Variants in ZNF407 observed in about 807,000 individuals in gnomAD.
ZNF407 encodes the protein zinc finger protein 407.
Under a neutral mutation model 131.2 loss-of-function variants are expected in ZNF407, and 17 were observed. The ratio of observed to expected loss-of-function variants is 0.13; its 90% CI spans 0.09 to 0.19. The LOEUF (loss-of-function observed/expected upper bound fraction) is 0.19, where lower values mean the gene tolerates loss of function less well. ZNF407 is among the 10% of genes least tolerant of loss of function. ZNF407 has a pLI of 1.00. For missense variants in ZNF407, 2,681 were observed against 2,830.6 expected (o/e 0.95, Z 1.20); for synonymous variants, 1,156 against 1,062.0 (o/e 1.09, Z -1.72).
rs539353368 is a variant in ZNF407 at position 74,978,479 on chromosome 18, A to C, written c.5428+57787A>C. Among the ~76,000 whole-genome samples, 6 of 152,228 alleles carry C rather than the reference A, an allele frequency of 3.9e-5. No homozygotes were observed. The East Asian group carries it at 9.7e-4, about 25-fold the overall frequency. On this transcript the variant is annotated intron_variant, in intron 8 of 8. Transcript: ENST00000299687. ...CAAGCATTCATTAAGAGGTGATGGA[A>C]ATAAAAAATGGTGTTGATTGTGAAC...
chr18:74,633,187 A>G lies in ZNF407; in HGVS notation c.2168A>G (p.His723Arg), dbSNP rs747456754. The change falls in exon 2 of 9, where the codon CAT becomes CGT. Residue 723 changes from histidine (H) to arginine (R), a missense_variant. Physicochemically the swap from His to Arg is conservative, Grantham distance 29. Around this residue, in one of 6 missense-constraint regions of ZNF407, gnomAD observed 1,789 missense variants for 1,748.7 expected, o/e 1.02. Coordinates refer to ENST00000299687, the MANE Select transcript of ZNF407 (RefSeq NM_017757.3). The stretch of plus-strand genomic sequence containing the variant: ...AGATCTTCTACTGTTCTCACGAGAC[A>G]TATAAAGCTTCGGCATGGTCAAGAC... ...KTRSSTVLTR[H>R]IKLRHGQDYH... 1 of 1,613,778 alleles carries G rather than the reference A, an allele frequency of 6.2e-7. No homozygotes were observed. The highest frequency in any genetic ancestry group is 1.1e-5 in the South Asian group (1 of 91,030).
At chr18:74,873,452 A>G (rs960049961) in intron 4 of ZNF407, among the ~76,000 whole-genome samples, 2 of 152,222 alleles carry the variant, frequency 1.3e-5, no homozygotes, top group Non-Finnish European at 2.9e-5. Context: ...GTCAGCCCAC[A>G]TTTAGTAGGG....
intron 8 of ZNF407, among the ~76,000 whole-genome samples, chr18:75,029,992 G>A (rs189098851): frequency 1.3e-5 from 2 of 152,302 alleles, no homozygotes; most frequent in East Asian, 3.9e-4. Flanking sequence ...TCCTGTAAAT[G>A]TGTGCAAATG....
intron 8 of ZNF407, among the ~76,000 whole-genome samples, chr18:74,985,092 A>G (rs574452175): frequency 5.1e-4 from 78 of 152,354 alleles, no homozygotes; most frequent in African/African-American, 1.8e-3. Context: ...ATTTGAGCAC[A>G]GTTCTGATTA....
intron 8 of ZNF407, among the ~76,000 whole-genome samples, chr18:74,970,953 A>G (rs571393760): frequency 6.6e-6 from 1 of 152,348 alleles, no homozygotes; most frequent in African/African-American, 2.4e-5. Flanking sequence ...TCTGAAATCT[A>G]GGCAGAGGTT....
chr18:74,935,765 AC>A (rs2145261418), intron 8 of ZNF407, among the ~76,000 whole-genome samples: 1 of 152,324 alleles, frequency 6.6e-6, no homozygotes, highest in South Asian at 2.1e-4. Flanking sequence ...AATAATGTGT[AC>A]CAGGGAGGAG....
chr18:74,634,533 C>T lies in ZNF407; in HGVS notation c.3514C>T (p.Pro1172Ser), dbSNP rs527240730. Residue 1172 changes from proline to serine, a missense_variant, in exon 2 of 9, where the codon CCT becomes TCT. Transcript: ENST00000299687. The part of the protein sequence containing the change: ...HSFCETFQQA[P>S]VKDKVRKPEE... ...CTTTTGTGAGACTTTCCAACAGGCT[C>T]CTGTCAAGGATAAAGTTAGGAAACC... The T allele has an allele frequency of 1.4e-5, 22 of 1,613,636 alleles. No homozygotes were observed. In the South Asian group the frequency reaches 1.6e-4, roughly 12 times the overall value.
chr18:74,747,235 A>G (rs1455051476), intron 3 of ZNF407, among the ~76,000 whole-genome samples: 2 of 152,158 alleles, frequency 1.3e-5, no homozygotes, highest in Non-Finnish European at 2.9e-5. Context: ...ATTAACAATT[A>G]AGTATTTACC....
In ZNF407 at chr18:75,065,633, TTC is replaced by T. The variant is rs1175520836; in HGVS notation, c.*1167_*1168del. On this transcript the variant is annotated 3_prime_UTR_variant, in exon 9 of 9. Transcript: ENST00000299687. ...AATGCAAAGGTTGTTTTTGTTCTGT[TTC>T]TGTTTTCTTTGAAATAAAATTATAA... is the stretch of plus-strand genomic sequence containing the variant. The T allele has an allele frequency of 2.0e-5, 3 of 152,244 alleles. No individual in the cohort carries two copies. Among genetic ancestry groups the T allele is most frequent in the Non-Finnish European group, 4.4e-5 (3 of 68,052 alleles). 9.4% of individuals were successfully genotyped at this position (152,244 alleles called of 1,614,324 possible).
chr18:74,612,064 T>C (rs550349178), intron 1 of ZNF407, among the ~76,000 whole-genome samples: 1 of 152,108 alleles, frequency 6.6e-6, no homozygotes, highest in South Asian at 2.1e-4. Context: ...TGAGATTGAG[T>C]GAATGTTAGC....
chr18:74,964,782 G>A (rs1016352641), intron 8 of ZNF407, among the ~76,000 whole-genome samples: 8 of 151,828 alleles, frequency 5.3e-5, no homozygotes, highest in Admixed American at 6.6e-5. Flanking sequence ...ATTCATTTTT[G>A]TAACCAAGAT....
At chr18:74,738,114 A>G (rs530679778) in intron 3 of ZNF407, among the ~76,000 whole-genome samples, 15 of 152,052 alleles carry the variant, frequency 9.9e-5, no homozygotes, top group Non-Finnish European at 1.9e-4. Context: ...TTCTATATTC[A>G]CTGTTCAATT....
intron 8 of ZNF407, among the ~76,000 whole-genome samples, chr18:74,938,211 ATG>A (rs1972059373): frequency 6.6e-6 from 1 of 152,176 alleles, no homozygotes; most frequent in South Asian, 2.1e-4. Flanking sequence ...TTGTCTTGAT[ATG>A]TCTTTCCACA....
intron 4 of ZNF407, among the ~76,000 whole-genome samples, chr18:74,825,091 A>G (rs902770323): frequency 2.6e-5 from 4 of 152,248 alleles, no homozygotes; most frequent in Non-Finnish European, 5.9e-5. Flanking sequence ...CATCACATAA[A>G]CAGAACCAGT....
intron 3 of ZNF407, among the ~76,000 whole-genome samples, chr18:74,684,218 G>T (rs1424262007): frequency 2.0e-5 from 3 of 152,000 alleles, no homozygotes; most frequent in African/African-American, 7.3e-5. Context: ...AAAGGAAAAA[G>T]TAAGGATTTT....
chr18:74,806,460 G>C (rs72975410), intron 4 of ZNF407, among the ~76,000 whole-genome samples: 25,524 of 152,228 alleles, frequency 0.17, 2,508 homozygotes, highest in Non-Finnish European at 0.22. Flanking sequence ...CTGAGTTCCA[G>C]TTGGTCCCTA....
intron 1 of ZNF407, among the ~76,000 whole-genome samples, chr18:74,627,640 T>C (rs1983842902): frequency 6.6e-6 from 1 of 152,076 alleles, no homozygotes; most frequent in Non-Finnish European, 1.5e-5. Context: ...CAGAAGAGCA[T>C]TTCCTAAGGA....
At chr18:74,915,619 C>T (rs1433680610) in intron 7 of ZNF407, among the ~76,000 whole-genome samples, 20 of 91,868 alleles carry the variant, frequency 2.2e-4, no homozygotes, top group East Asian at 1.1e-3. Flanking sequence ...TGGTTCGAAT[C>T]GGGAGTGTGT....
At chr18:74,990,138 G>C (rs527432537) in intron 8 of ZNF407, among the ~76,000 whole-genome samples, 4 of 152,248 alleles carry the variant, frequency 2.6e-5, no homozygotes, top group African/African-American at 9.6e-5. Context: ...TTGCAGAAGT[G>C]GGGGAAAGGC....
Sources: allele counts gnomAD v4.1 joint callset (sites outside exome capture counted in the v4.1 genomes callset), GRCh38; gene constraint gnomAD v4.1.1; regional missense constraint gnomAD v4.1.1; transcripts MANE v1.5; gene names NCBI Gene and HGNC (gene_info 2026-07-23, HGNC 2026-07-21).